The following WWOX variants were observed in gnomAD, a reference collection of about 807,000 sequenced individuals.
WWOX encodes WW domain containing oxidoreductase.
A neutral mutation model predicts 46.2 loss-of-function variants in WWOX; 69 were observed. The observed-to-expected ratio is 1.49, with a 90% CI of 1.23 to 1.82. The LOEUF (loss-of-function observed/expected upper bound fraction) is 1.82. WWOX is among the 40% of genes most tolerant of loss of function. The pLI is 0.00. For synonymous variants in WWOX, 359 were observed against 202.6 expected, an observed-to-expected ratio of 1.77 and a Z score of -6.56; for missense variants, 919 against 542.6, an observed-to-expected ratio of 1.69 and a Z score of -6.89.
intron 8 of WWOX, among the ~76,000 whole-genome samples, chr16:78,556,445 G>C (rs758749931): frequency 5.3e-5 from 8 of 152,190 alleles, no homozygotes; most frequent in South Asian, 2.1e-4. Flanking sequence ...CAGGGAATTT[G>C]TATGATGGAG....
chr16:78,610,513 G>A (rs1034618354), intron 8 of WWOX, among the ~76,000 whole-genome samples: 3 of 152,120 alleles, frequency 2.0e-5, no homozygotes, highest in African/African-American at 7.2e-5. Flanking sequence ...TAGTGTTGGG[G>A]TGGGAAGGAA....
At chr16:79,068,671 C>T (rs906655061) in intron 8 of WWOX, among the ~76,000 whole-genome samples, 3 of 151,590 alleles carry the variant, frequency 2.0e-5, no homozygotes, top group African/African-American at 7.3e-5. Context: ...ATTAGCCAGG[C>T]GTGGGGGTGC....
chr16:78,797,572 G>A (rs867813354), intron 8 of WWOX, among the ~76,000 whole-genome samples: 1 of 152,000 alleles, frequency 6.6e-6, no homozygotes, highest in Non-Finnish European at 1.5e-5. Context: ...TTTCAACCTG[G>A]GGCTTTAGTC....
At chr16:79,028,643 A>G (rs1165527909) in intron 8 of WWOX, among the ~76,000 whole-genome samples, 4 of 151,680 alleles carry the variant, frequency 2.6e-5, no homozygotes, top group Non-Finnish European at 5.9e-5. Flanking sequence ...TTTGGGGGGA[A>G]AAAACGCTTC....
chr16:78,958,078 T>G (rs945313318), intron 8 of WWOX, among the ~76,000 whole-genome samples: 22 of 152,224 alleles, frequency 1.4e-4, no homozygotes, highest in Non-Finnish European at 3.1e-4. Flanking sequence ...TGCCTGGGTC[T>G]TGGAATCTGA....
chr16:78,100,639 C>T (rs2031713171), intron 1 of WWOX, among the ~76,000 whole-genome samples: 1 of 152,204 alleles, frequency 6.6e-6, no homozygotes, highest in Non-Finnish European at 1.5e-5. Flanking sequence ...TCATCTTTAA[C>T]TGTGTGACCT....
chr16:78,465,372 G>T (rs556332874), intron 8 of WWOX, among the ~76,000 whole-genome samples: 1 of 152,280 alleles, frequency 6.6e-6, no homozygotes, highest in East Asian at 1.9e-4. Context: ...AAGAGATGGG[G>T]TCTTGTTGTG....
chr16:78,902,428 CGCGGGGCGG>C (rs2044853131), intron 8 of WWOX, among the ~76,000 whole-genome samples: 1 of 152,216 alleles, frequency 6.6e-6, no homozygotes, highest in African/African-American at 2.4e-5. Context: ...AGCAGCGCCA[CGCGGGGCGG>C]GCGGGAGAGG....
In WWOX at chr16:78,826,271, G is replaced by C. The variant is rs553770258; in HGVS notation, c.1057-385337G>C. Among the ~76,000 whole-genome samples, 14 of 152,154 alleles carry C rather than the reference G, an allele frequency of 9.2e-5. No individual in the cohort carries two copies. The East Asian group carries it at 1.2e-3, about 13-fold the overall frequency. ...TGAGGCAGGAGAATCGCTTGAACCC[G>C]GGAGGTGGAGGTTGCAGTGAGCCAA... On this transcript the variant is annotated intron_variant, in intron 8 of 8. Coordinates refer to ENST00000566780, the MANE Select transcript of WWOX (RefSeq NM_016373.4).
chr16:78,785,245 T>C (rs917269583), intron 8 of WWOX, among the ~76,000 whole-genome samples: 2 of 152,240 alleles, frequency 1.3e-5, no homozygotes, highest in Non-Finnish European at 2.9e-5. Context: ...GCTGCAGTAA[T>C]TCTCTTCCCA....
chr16:78,971,729 C>T (rs1206223254), intron 8 of WWOX, among the ~76,000 whole-genome samples: 1 of 152,034 alleles, frequency 6.6e-6, no homozygotes, highest in Non-Finnish European at 1.5e-5. Context: ...CCCCGATCCC[C>T]ACCCTCTGCC....
chr16:78,690,273 A>G (rs1361093037), intron 8 of WWOX, among the ~76,000 whole-genome samples: 2 of 152,186 alleles, frequency 1.3e-5, no homozygotes, highest in Non-Finnish European at 2.9e-5. Context: ...TTTGTTGGCC[A>G]GGCGTGGTGG....
At chr16:78,401,991 G>A (rs2151944430) in intron 6 of WWOX, among the ~76,000 whole-genome samples, 1 of 152,260 alleles carries the variant, frequency 6.6e-6, no homozygotes, top group Middle Eastern at 3.4e-3. Flanking sequence ...GAGCCCCTAT[G>A]CCCAGCCAAA....
chr16:79,076,072 C>T (rs1229133324), intron 8 of WWOX, among the ~76,000 whole-genome samples: 2 of 152,086 alleles, frequency 1.3e-5, no homozygotes, highest in Non-Finnish European at 2.9e-5. Flanking sequence ...AAATTTGTTA[C>T]TTAGAAGATT....
At chr16:78,884,984 C>T (rs2044423327) in intron 8 of WWOX, among the ~76,000 whole-genome samples, 2 of 152,186 alleles carry the variant, frequency 1.3e-5, no homozygotes, top group Admixed American at 1.3e-4. Context: ...CCCCACCAAG[C>T]CATCTAGCCC....
chr16:78,441,996 G>A (rs1233227181), intron 8 of WWOX, among the ~76,000 whole-genome samples: 4 of 151,160 alleles, frequency 2.6e-5, no homozygotes, highest in Non-Finnish European at 5.9e-5. Flanking sequence ...GTGTGGCTGG[G>A]CATGGTGGCT....
chr16:78,814,318 C>T (rs1161060906), intron 8 of WWOX, among the ~76,000 whole-genome samples: 1 of 152,110 alleles, frequency 6.6e-6, no homozygotes, highest in Admixed American at 6.6e-5. Context: ...GAAGTATCTC[C>T]TTTTCCCTAA....
rs139641306 is a variant in WWOX at position 78,444,410 on chromosome 16, C to A, written c.1056+11658C>A. ...ATAAAAAAAGGAGACTAACATGGGC[C>A]CACAGACATTGTATTTCATAAATTT... On this transcript the variant is annotated intron_variant, in intron 8 of 8. Transcript: ENST00000566780. Among the ~76,000 whole-genome samples, 9 of 152,120 alleles carry A rather than the reference C, an allele frequency of 5.9e-5. No homozygotes were observed. The East Asian group carries it at 1.7e-3, about 29-fold the overall frequency.
At chr16:78,777,733 G>GGA (rs1377264029) in intron 8 of WWOX, among the ~76,000 whole-genome samples, 1 of 152,108 alleles carries the variant, frequency 6.6e-6, no homozygotes, top group Non-Finnish European at 1.5e-5. Flanking sequence ...CCAGATACTA[G>GGA]GATAGGCACT....
Sources: gnomAD v4.1 joint callset for allele counts (sites outside exome capture counted in the v4.1 genomes callset) on GRCh38, gnomAD v4.1.1 for gene constraint, MANE v1.5 for transcripts, NCBI Gene and HGNC (gene_info 2026-07-23, HGNC 2026-07-21) for gene names.